Variants in TTC7B observed in about 807,000 individuals in gnomAD.
The protein encoded by TTC7B is tetratricopeptide repeat protein 7B.
A neutral mutation model predicts 106.8 loss-of-function variants in TTC7B; 28 were observed. That is an observed-to-expected ratio of 0.26 (90% CI 0.19 to 0.36). The LOEUF (loss-of-function observed/expected upper bound fraction) is 0.36, where lower values mean the gene tolerates loss of function less well. Ranked by LOEUF, TTC7B falls within the 10% of genes least tolerant of loss-of-function variation. The pLI is 1.00. For synonymous variants in TTC7B, 405 were observed against 430.6 expected, an observed-to-expected ratio of 0.94 and a Z score of 0.74; for missense variants, 862 against 1,076.4, an observed-to-expected ratio of 0.80 and a Z score of 2.79.
At chr14:90,594,561 A>G (rs562155060) in intron 17 of TTC7B, among the ~76,000 whole-genome samples, 1 of 152,242 alleles carries the variant, frequency 6.6e-6, no homozygotes, top group Admixed American at 6.5e-5. Context: ...TCAAATTTGA[A>G]ACTGTTAATA....
intron 15 of TTC7B, among the ~76,000 whole-genome samples, chr14:90,621,120 G>T (rs914248701): frequency 7.2e-5 from 11 of 152,090 alleles, no homozygotes; most frequent in Admixed American, 7.2e-4. Context: ...GGGATGATGG[G>T]CAGAGGCCAC....
intron 19 of TTC7B, among the ~76,000 whole-genome samples, chr14:90,574,790 C>G (rs1820841787): frequency 6.6e-6 from 1 of 152,186 alleles, no homozygotes; most frequent in South Asian, 2.1e-4. Flanking sequence ...CCCTAACAGC[C>G]CCCACTGACT....
At chr14:90,554,936 A>T (rs540798810) in intron 19 of TTC7B, among the ~76,000 whole-genome samples, 28 of 152,228 alleles carry the variant, frequency 1.8e-4, no homozygotes, top group Admixed American at 1.7e-3. Flanking sequence ...TCACATCTGA[A>T]TGATGTGGCG....
chr14:90,619,277 C>T (rs1381200221), intron 15 of TTC7B, among the ~76,000 whole-genome samples: 1 of 152,218 alleles, frequency 6.6e-6, no homozygotes, highest in Non-Finnish European at 1.5e-5. Flanking sequence ...TTCTGTATCT[C>T]ATCGTTTAAG....
At chr14:90,646,295 A>AGGAG (rs1885447182) in intron 14 of TTC7B, among the ~76,000 whole-genome samples, 1 of 152,180 alleles carries the variant, frequency 6.6e-6, no homozygotes, top group African/African-American at 2.4e-5. Flanking sequence ...GTGGCCAGGC[A>AGGAG]TGTGGCCAAC....
chr14:90,573,725 T>G lies in TTC7B; in HGVS notation c.2310+4381A>C, dbSNP rs1053808998. Among the ~76,000 whole-genome samples the G allele has an allele frequency of 2.6e-5, 4 of 152,350 alleles. No homozygotes were observed. The South Asian group carries it at 8.3e-4, about 32-fold the overall frequency. On this transcript the variant is annotated intron_variant, in intron 19 of 19. Transcript: ENST00000328459. ...CCTCACCCCACTTCACTCCACTTGC[T>G]GTCCACTCCGCCAAGCCCTGGCTGA... is the stretch of plus-strand genomic sequence containing the variant.
At chr14:90,559,131 C>T (rs997340017) in intron 19 of TTC7B, among the ~76,000 whole-genome samples, 1 of 152,224 alleles carries the variant, frequency 6.6e-6, no homozygotes, top group Non-Finnish European at 1.5e-5. Flanking sequence ...GTGATGTGAC[C>T]GCTTACCCAG....
chr14:90,567,843 A>G (rs1475841894), intron 19 of TTC7B: 1 of 152,220 alleles, frequency 6.6e-6, no homozygotes, highest in Non-Finnish European at 1.5e-5. Context: ...TCAGGTCCAA[A>G]GGTTTCCATC....
chr14:90,617,087 C>A (rs1458243096), intron 16 of TTC7B, among the ~76,000 whole-genome samples: 1 of 152,142 alleles, frequency 6.6e-6, no homozygotes, highest in Non-Finnish European at 1.5e-5. Flanking sequence ...GGGGGTTGAC[C>A]AGCAGACCTT....
chr14:90,623,768 C>T (rs1401925206), intron 15 of TTC7B, among the ~76,000 whole-genome samples: 1 of 152,194 alleles, frequency 6.6e-6, no homozygotes, highest in African/African-American at 2.4e-5. Context: ...CGCCTGTTGT[C>T]CCAGCACCTT....
intron 5 of TTC7B, chr14:90,698,358 C>A (rs1169616535): frequency 6.6e-6 from 1 of 152,160 alleles, no homozygotes; most frequent in African/African-American, 2.4e-5. Flanking sequence ...TATCTTCAAA[C>A]TGTTAGTTAA....
At chr14:90,703,102 C>G (rs757266939) in intron 5 of TTC7B, among the ~76,000 whole-genome samples, 3 of 152,204 alleles carry the variant, frequency 2.0e-5, no homozygotes, top group Non-Finnish European at 4.4e-5. Flanking sequence ...AGTGTCTGCT[C>G]CAGACCTGGC....
At chr14:90,793,001 A>T (rs1234621028) in intron 1 of TTC7B, among the ~76,000 whole-genome samples, 1 of 152,116 alleles carries the variant, frequency 6.6e-6, no homozygotes, top group African/African-American at 2.4e-5. Flanking sequence ...CTGTCAAAGG[A>T]GGGACCTGGT....
chr14:90,666,425 T>C (rs1057118719), intron 9 of TTC7B, among the ~76,000 whole-genome samples: 4 of 152,122 alleles, frequency 2.6e-5, no homozygotes, highest in African/African-American at 9.7e-5. Flanking sequence ...CCTCCCAAAG[T>C]GCTGGGATTA....
At chr14:90,727,007 C>T (rs960536031) in intron 5 of TTC7B, among the ~76,000 whole-genome samples, 3 of 150,714 alleles carry the variant, frequency 2.0e-5, no homozygotes, top group Non-Finnish European at 4.4e-5. Context: ...AGAGGGAGCC[C>T]AGGAAGGGAG....
In TTC7B at chr14:90,525,195, T is replaced by C. The variant is rs1406245442; in HGVS notation, c.*16173A>G. 3 of 151,744 alleles carry C rather than the reference T, an allele frequency of 2.0e-5. No homozygotes were observed. The highest frequency in any genetic ancestry group is 7.3e-5 in the African/African-American group (3 of 41,318). 9.4% of individuals were successfully genotyped at this position (151,744 alleles called of 1,614,324 possible). Reference sequence around the variant, plus strand: ...TTTCTAGAGTTTTCTATAAATGGAATCACACAGCACGTTCTTTTTTGACTG... The same window carrying C: ...TTTCTAGAGTTTTCTATAAATGGAACCACACAGCACGTTCTTTTTTGACTG... On this transcript the variant is annotated 3_prime_UTR_variant, in exon 20 of 20. Coordinates refer to ENST00000328459, the MANE Select transcript of TTC7B (RefSeq NM_001010854.2).
At chr14:90,806,820 T>C (rs1234172656) in intron 1 of TTC7B, among the ~76,000 whole-genome samples, 3 of 152,086 alleles carry the variant, frequency 2.0e-5, no homozygotes, top group African/African-American at 7.2e-5. Flanking sequence ...GGTGGGAGGA[T>C]TGCTTGAGCC....
chr14:90,735,560 G>A lies in TTC7B; in HGVS notation c.577-5364C>T, dbSNP rs540881862. Among the ~76,000 whole-genome samples, 29 of 149,886 alleles carry A rather than the reference G, an allele frequency of 1.9e-4. No individual in the cohort carries two copies. The East Asian group carries it at 5.5e-3, about 28-fold the overall frequency. ...AGCAATAAAAATAGAAAAGATCTGAGAATAAAACCACCTACTGGCCAGGTG... is the reference window on the plus strand; with the variant it reads ...AGCAATAAAAATAGAAAAGATCTGAAAATAAAACCACCTACTGGCCAGGTG... On this transcript the variant is annotated intron_variant, in intron 4 of 19. Transcript: ENST00000328459.
intron 15 of TTC7B, among the ~76,000 whole-genome samples, chr14:90,633,420 C>T (rs1400037035): frequency 1.3e-5 from 2 of 152,188 alleles, no homozygotes; most frequent in Non-Finnish European, 2.9e-5. Context: ...CTTTCCTTAG[C>T]GGCCATTGTA....
Sources: gnomAD v4.1 joint callset for allele counts (sites outside exome capture counted in the v4.1 genomes callset) on GRCh38, gnomAD v4.1.1 for gene constraint, MANE v1.5 for transcripts, NCBI Gene and HGNC (gene_info 2026-07-23, HGNC 2026-07-21) for gene names.